FHIT: variants seen among roughly 807,000 people sequenced by gnomAD.
FHIT encodes bis(5'-adenosyl)-triphosphatase.
In FHIT, 19 loss-of-function variants were observed where a neutral mutation model predicts 17.9. The observed-to-expected ratio is 1.06, with a 90% CI of 0.74 to 1.56. The LOEUF is 1.56. FHIT is among the 40% of genes most tolerant of loss of function. The pLI is 0.00. For missense variants in FHIT, 248 were observed against 189.2 expected, an observed-to-expected ratio of 1.31 and a Z score of -1.82; for synonymous variants, 81 against 69.7, an observed-to-expected ratio of 1.16 and a Z score of -0.81.
intron 5 of FHIT, among the ~76,000 whole-genome samples, chr3:60,238,676 T>C (rs1399870575): frequency 6.6e-6 from 1 of 152,170 alleles, no homozygotes; most frequent in African/African-American, 2.4e-5. Flanking sequence ...GTAGTTGCAC[T>C]CTTCCTTTCC....
intron 3 of FHIT, among the ~76,000 whole-genome samples, chr3:60,822,718 C>G (rs1268635390): frequency 1.3e-5 from 2 of 151,928 alleles, no homozygotes; most frequent in African/African-American, 2.4e-5. Flanking sequence ...GTACCAAGTA[C>G]AGTTTCTGGC....
chr3:59,802,493 T>C (rs1284013928), intron 8 of FHIT, among the ~76,000 whole-genome samples: 1 of 152,100 alleles, frequency 6.6e-6, no homozygotes, highest in Non-Finnish European at 1.5e-5. Flanking sequence ...CCTTGTGAAA[T>C]TCCTTCTCCT....
chr3:61,060,271 A>G (rs774723680), intron 2 of FHIT, among the ~76,000 whole-genome samples: 20 of 152,160 alleles, frequency 1.3e-4, no homozygotes, highest in Admixed American at 1.2e-3. Context: ...CTTAACTCTT[A>G]TTTATATCAA....
At chr3:59,753,755 C>T (rs1056667315) in intron 8 of FHIT, among the ~76,000 whole-genome samples, 1 of 152,102 alleles carries the variant, frequency 6.6e-6, no homozygotes, top group African/African-American at 2.4e-5. Context: ...CTACTTAACC[C>T]CATGTTACTG....
chr3:60,309,887 T>C (rs1016144412), intron 5 of FHIT, among the ~76,000 whole-genome samples: 1 of 152,114 alleles, frequency 6.6e-6, no homozygotes, highest in African/African-American at 2.4e-5. Flanking sequence ...TCTCACTACA[T>C]ATTACTTACT....
intron 5 of FHIT, among the ~76,000 whole-genome samples, chr3:60,428,437 C>G (rs1478895655): frequency 6.6e-6 from 1 of 152,124 alleles, no homozygotes; most frequent in African/African-American, 2.4e-5. Flanking sequence ...ACTGAACCAT[C>G]AGGGTAAACT....
At chr3:60,304,492 G>C (rs1438232432) in intron 5 of FHIT, among the ~76,000 whole-genome samples, 1 of 151,652 alleles carries the variant, frequency 6.6e-6, no homozygotes, top group Non-Finnish European at 1.5e-5. Context: ...AACAACCTTA[G>C]AGGTCATGGC....
At chr3:60,105,748 G>A (rs1336149876) in intron 5 of FHIT, among the ~76,000 whole-genome samples, 5 of 136,476 alleles carry the variant, frequency 3.7e-5, no homozygotes, top group Admixed American at 2.3e-4. Context: ...TATAAAAAGT[G>A]TGGATTTTTT....
intron 5 of FHIT, among the ~76,000 whole-genome samples, chr3:60,176,261 A>G (rs1701663955): frequency 2.0e-5 from 3 of 152,164 alleles, no homozygotes. Context: ...CTGAGGCAGG[A>G]GAATTGCTTG....
At chr3:60,880,268 T>C (rs1017951304) in intron 3 of FHIT, among the ~76,000 whole-genome samples, 4 of 152,212 alleles carry the variant, frequency 2.6e-5, no homozygotes, top group African/African-American at 9.6e-5. Flanking sequence ...GGATACTATA[T>C]CCAGCAAATA....
intron 4 of FHIT, among the ~76,000 whole-genome samples, chr3:60,640,073 T>C (rs1553684956): frequency 6.6e-6 from 1 of 152,038 alleles, no homozygotes; most frequent in Non-Finnish European, 1.5e-5. Flanking sequence ...TCCTAGAAAA[T>C]GCAAAATCAC....
At chr3:60,119,448 T>C (rs942945507) in intron 5 of FHIT, among the ~76,000 whole-genome samples, 14 of 152,216 alleles carry the variant, frequency 9.2e-5, no homozygotes, top group South Asian at 2.1e-4. Context: ...GTAATTGATA[T>C]GTTTAATATG....
intron 4 of FHIT, chr3:60,732,495 A>G (rs2042050155): frequency 1.5e-6 from 1 of 687,310 alleles, no homozygotes; most frequent in African/African-American, 1.8e-5. Flanking sequence ...GAACCCTCAC[A>G]CCCAAATCCT....
At chr3:60,718,623 C>G (rs540173348) in intron 4 of FHIT, among the ~76,000 whole-genome samples, 2 of 152,260 alleles carry the variant, frequency 1.3e-5, no homozygotes, top group South Asian at 4.1e-4. Flanking sequence ...CAGCCCCAGG[C>G]AACTGATATT....
intron 1 of FHIT, among the ~76,000 whole-genome samples, chr3:61,209,652 T>G (rs1251379781): frequency 6.6e-6 from 1 of 152,248 alleles, no homozygotes; most frequent in Non-Finnish European, 1.5e-5. Context: ...TGCCTTGGTT[T>G]TCAGCTCCAT....
Position 61,197,889 on chromosome 3 carries a change from T to C in FHIT, c.-164+2728A>G, listed in dbSNP as rs1247275241. Among the ~76,000 whole-genome samples, 4 of 129,028 alleles carry C rather than the reference T, an allele frequency of 3.1e-5. No homozygotes were observed. In the Admixed American group the frequency reaches 4.1e-4, roughly 13 times the overall value. 84.6% of individuals were successfully genotyped at this position (129,028 alleles called of 152,430 possible). On this transcript the variant is annotated intron_variant, in intron 2 of 9. Coordinates refer to ENST00000492590, the MANE Select transcript of FHIT (RefSeq NM_002012.4). ...TACGCCCACATACATACACCTTCTT[T>C]GAGAGCTAAGAGAAGCAGCCAAGAG...
intron 5 of FHIT, among the ~76,000 whole-genome samples, chr3:60,028,362 G>A (rs1367166784): frequency 6.6e-6 from 1 of 152,202 alleles, no homozygotes; most frequent in African/African-American, 2.4e-5. Context: ...ATTGGGTAAA[G>A]TACAAGCTCC....
chr3:59,831,362 G>A (rs1701157514), intron 8 of FHIT, among the ~76,000 whole-genome samples: 2 of 152,002 alleles, frequency 1.3e-5, no homozygotes, highest in African/African-American at 4.8e-5. Flanking sequence ...TGCCTAATGT[G>A]GATTACTTAG....
chr3:61,150,581 C>T (rs1322643838), intron 2 of FHIT, among the ~76,000 whole-genome samples: 1 of 152,100 alleles, frequency 6.6e-6, no homozygotes, highest in Non-Finnish European at 1.5e-5. Flanking sequence ...AAATGTTCCA[C>T]CAGACATTCA....
Sources: gnomAD v4.1 joint callset for allele counts (sites outside exome capture counted in the v4.1 genomes callset) on GRCh38, gnomAD v4.1.1 for gene constraint, MANE v1.5 for transcripts, NCBI Gene and HGNC (gene_info 2026-07-23, HGNC 2026-07-21) for gene names.